The following MAPT variants were observed in gnomAD, a reference collection of about 807,000 sequenced individuals.
MAPT encodes microtubule-associated protein tau.
MAPT carries 34 observed loss-of-function variants against 67.9 expected under a neutral mutation model. That is an observed-to-expected ratio of 0.50 (90% CI 0.38 to 0.67). MAPT has a LOEUF of 0.67. MAPT is among the 30% of genes least tolerant of loss of function. The pLI is 0.00. For missense variants in MAPT, 881 were observed against 1,115.2 expected, an observed-to-expected ratio of 0.79 and a Z score of 2.99; for synonymous variants, 456 against 464.5, an observed-to-expected ratio of 0.98 and a Z score of 0.23.
chr17:45,945,454 G>A (rs1182087271), intron 1 of MAPT, among the ~76,000 whole-genome samples: 3 of 152,192 alleles, frequency 2.0e-5, no homozygotes, highest in Non-Finnish European at 4.4e-5. Context: ...TGTTAGAGCT[G>A]GAAGGTAGGG....
At chr17:45,903,247 C>T (rs2063734962) in intron 1 of MAPT, among the ~76,000 whole-genome samples, 1 of 152,184 alleles carries the variant, frequency 6.6e-6, no homozygotes, top group Non-Finnish European at 1.5e-5. Context: ...CGTTCTAAAT[C>T]ATGTGTCAAC....
Position 45,989,940 on chromosome 17 carries a change from C to G in MAPT, c.1470C>G (p.Pro490=), listed in dbSNP as rs779560056. The change falls in exon 7 of 13, where the codon CCC becomes CCG. Residue 490 remains proline, a synonymous_variant. Transcript: ENST00000262410. ...GGCCTTGCCTTAGCCCCAAACACCC[C>G]ACTCCTGGTAGCTCAGACCCTCTGA... The part of the protein sequence containing the change: ...KNRPCLSPKH[P]TPGSSDPLIQ... The G allele has an allele frequency of 1.9e-6, 3 of 1,614,170 alleles. No individual in the cohort carries two copies. The highest frequency in any genetic ancestry group is 2.5e-6 in the Non-Finnish European group (3 of 1,180,026).
At chr17:45,956,633 C>T (rs1171261494) in intron 1 of MAPT, among the ~76,000 whole-genome samples, 1 of 145,448 alleles carries the variant, frequency 6.9e-6, no homozygotes, top group Non-Finnish European at 1.5e-5. Context: ...TTCTAGGGTA[C>T]ATGTGCACAA....
intron 1 of MAPT, among the ~76,000 whole-genome samples, chr17:45,911,782 C>CA (rs887282317): frequency 2.0e-4 from 29 of 145,168 alleles, no homozygotes; most frequent in South Asian, 6.5e-4. Context: ...AAACAAACAA[C>CA]AAAAAAAAAG....
chr17:45,996,597 A>T lies in MAPT; in HGVS notation c.1931A>T (p.Asp644Val). Reference sequence around the variant, plus strand: ...CAGACAGCCCCCGTGCCCATGCCAGACCTGAAGAATGTCAAGTCCAAGATC... The same window carrying T: ...CAGACAGCCCCCGTGCCCATGCCAGTCCTGAAGAATGTCAAGTCCAAGATC... ...RLQTAPVPMP[D>V]LKNVKSKIGS... The change falls in exon 9 of 13, where the codon GAC (aspartate) becomes GTC (valine). Residue 644 changes from aspartate (D) to valine (V), a missense_variant. By Grantham distance (152) the Asp-to-Val change is radical (BLOSUM62 -3). This residue lies in a region of MAPT where 45 missense variants were observed against 43.2 expected (regional missense o/e 1.04). Coordinates refer to ENST00000262410, the MANE Select transcript of MAPT (RefSeq NM_001377265.1). The surrounding 1 kb of genome is among the most constrained non-coding windows in gnomAD (Gnocchi z 4.5). 6.2e-7 allele frequency: 1 copy of T among 1,613,868 alleles called. No homozygotes were observed. Among genetic ancestry groups the T allele is most frequent in the South Asian group, 1.1e-5 (1 of 91,066 alleles).
At chr17:45,965,588 G>A (rs2070985243) in intron 2 of MAPT, among the ~76,000 whole-genome samples, 2 of 151,874 alleles carry the variant, frequency 1.3e-5, no homozygotes, top group South Asian at 4.2e-4. Flanking sequence ...GCCAGTTCTT[G>A]TATTTTTAGA....
chr17:45,994,138 G>A (rs1011919979), intron 8 of MAPT, among the ~76,000 whole-genome samples: 2 of 152,074 alleles, frequency 1.3e-5, no homozygotes, highest in African/African-American at 4.8e-5. Flanking sequence ...TCCCTGTGCA[G>A]TTTGCGCAGC....
intron 9 of MAPT, among the ~76,000 whole-genome samples, chr17:46,009,288 A>G (rs973583535): frequency 6.6e-6 from 1 of 152,234 alleles, no homozygotes; most frequent in African/African-American, 2.4e-5. Flanking sequence ...CGGGTGAGGA[A>G]GACGTTCTCA....
chr17:45,930,023 C>T (rs891244494), intron 1 of MAPT, among the ~76,000 whole-genome samples: 1 of 152,170 alleles, frequency 6.6e-6, no homozygotes, highest in African/African-American at 2.4e-5. Context: ...CTGGGCCTGA[C>T]CACCAAGCCA....
chr17:45,953,755 A>G (rs1159239953), intron 1 of MAPT, among the ~76,000 whole-genome samples: 1 of 152,120 alleles, frequency 6.6e-6, no homozygotes, highest in Non-Finnish European at 1.5e-5. Context: ...TTGCCCTGTC[A>G]TCTGCTCTGT....
chr17:45,933,289 G>A (rs1243187447), intron 1 of MAPT, among the ~76,000 whole-genome samples: 2 of 142,688 alleles, frequency 1.4e-5, no homozygotes, highest in Non-Finnish European at 3.0e-5. Context: ...TGTCACCCAG[G>A]CTGGAATGCA....
chr17:46,016,556 G>C (rs1035982773), intron 11 of MAPT, among the ~76,000 whole-genome samples: 5 of 152,104 alleles, frequency 3.3e-5, no homozygotes, highest in African/African-American at 1.2e-4. Flanking sequence ...CGGATCACGA[G>C]GTCAGGAGAT....
chr17:46,000,107 G>C (rs1359437297), intron 9 of MAPT, among the ~76,000 whole-genome samples: 1 of 152,144 alleles, frequency 6.6e-6, no homozygotes, highest in Non-Finnish European at 1.5e-5. Context: ...CTACAAAAGA[G>C]GCAAAGCTGG....
intron 1 of MAPT, among the ~76,000 whole-genome samples, chr17:45,942,301 T>C (rs750383189): frequency 1.7e-4 from 26 of 152,202 alleles, no homozygotes; most frequent in Admixed American, 5.2e-4. Flanking sequence ...CTCTCTAGAG[T>C]GTACGTTTCT....
At chr17:46,006,933 AAATAAAATAAAATAAAAT>A (rs2075472654) in intron 9 of MAPT, among the ~76,000 whole-genome samples, 1 of 146,870 alleles carries the variant, frequency 6.8e-6, no homozygotes, top group South Asian at 2.1e-4. Flanking sequence ...AAAAAAATAA[AAATAAAATAAAATAAAAT>A]AATAAAATAA....
intron 1 of MAPT, among the ~76,000 whole-genome samples, chr17:45,920,477 C>G (rs923298981): frequency 6.6e-6 from 1 of 152,210 alleles, no homozygotes; most frequent in Admixed American, 6.5e-5. Context: ...ATTGCGGTGG[C>G]CTTCTCCTCA....
At chr17:45,941,729 T>TCCTGCCTTCCTTCCTTCCTG in intron 1 of MAPT, among the ~76,000 whole-genome samples, 1 of 126,802 alleles carries the variant, frequency 7.9e-6, no homozygotes, top group East Asian at 2.2e-4. Context: ...CTTCCTTCCT[T>TCCTGCCTTCCTTCCTTCCTG]CCTTCCTTCC....
At chr17:45,920,437 G>A (rs2065591723) in intron 1 of MAPT, among the ~76,000 whole-genome samples, 1 of 152,324 alleles carries the variant, frequency 6.6e-6, no homozygotes, top group African/African-American at 2.4e-5. Flanking sequence ...CCTTCCCATG[G>A]TCCCTCAGCT....
chr17:45,957,141 T>A (rs1318603098), intron 1 of MAPT, among the ~76,000 whole-genome samples: 1 of 152,162 alleles, frequency 6.6e-6, no homozygotes, highest in Non-Finnish European at 1.5e-5. Flanking sequence ...TCAAATGGTA[T>A]TTCTAGTTCT....
Sources: allele counts gnomAD v4.1 joint callset (sites outside exome capture counted in the v4.1 genomes callset), GRCh38; gene constraint gnomAD v4.1.1; regional missense constraint gnomAD v4.1.1; non-coding constraint Gnocchi (gnomAD v3.1); transcripts MANE v1.5; gene names NCBI Gene and HGNC (gene_info 2026-07-23, HGNC 2026-07-21).